C8B: variants seen among roughly 807,000 people sequenced by gnomAD.
The protein encoded by C8B is complement component C8 beta chain.
A neutral mutation model predicts 64.6 loss-of-function variants in C8B; 67 were observed. That is an observed-to-expected ratio of 1.04 (90% confidence interval 0.85 to 1.27). The LOEUF (loss-of-function observed/expected upper bound fraction) is 1.27. C8B is among the 50% of genes most tolerant of loss of function. C8B has a pLI of 0.00. For synonymous variants in C8B, 284 were observed against 257.7 expected (o/e 1.10, Z -0.98); for missense variants, 790 against 725.2 (o/e 1.09, Z -1.03).
chr1:56,941,850 T>C (rs1461635486), intron 8 of C8B, among the ~76,000 whole-genome samples: 1 of 152,222 alleles, frequency 6.6e-6, no homozygotes, highest in Non-Finnish European at 1.5e-5. Flanking sequence ...GGAGCTCACC[T>C]GGTGGAAACT....
At position 56,940,872 on chromosome 1, in the gene C8B, T is replaced by G. The variant is rs750536393; in HGVS notation, c.1375A>C (p.Asn459His). The G allele has an allele frequency of 3.1e-6, 5 of 1,613,972 alleles. No homozygotes were observed. Among genetic ancestry groups the G allele is most frequent in the Middle Eastern group, 3.3e-4 (2 of 6,062 alleles). Residue 459 changes from asparagine to histidine, a missense_variant, in exon 9 of 12, where the codon AAC becomes CAC. Transcript: ENST00000371237. Reference sequence around the variant, plus strand: ...ACCTTAACTTTGATGATGGCTGGGTTGTACTGCACAGCGTCTCCCCACTCC... The same window carrying G: ...ACCTTAACTTTGATGATGGCTGGGTGGTACTGCACAGCGTCTCCCCACTCC... ...MQEWGDAVQY[N>H]PAIIKVKVEP...
At position 56,956,930 on chromosome 1, in the gene C8B, G is replaced by A. The variant is rs114982349; in HGVS notation, c.250-20C>T. 1 of 1,613,686 alleles carries A rather than the reference G, an allele frequency of 6.2e-7. No homozygotes were observed. Among genetic ancestry groups the A allele is most frequent in the Non-Finnish European group, 8.5e-7 (1 of 1,179,914 alleles). On this transcript the variant is annotated intron_variant, in intron 2 of 11. Coordinates refer to ENST00000371237, the MANE Select transcript of C8B (RefSeq NM_000066.4). Reference sequence around the variant, plus strand: ...CCTGTACTGTAGCAGAGAGGAGCCAGGTGAACCAAGGGTAAAGCCTTAGAT... The same window carrying A: ...CCTGTACTGTAGCAGAGAGGAGCCAAGTGAACCAAGGGTAAAGCCTTAGAT...
chr1:56,944,873 A>G (rs1028674044), intron 7 of C8B, among the ~76,000 whole-genome samples: 7 of 152,222 alleles, frequency 4.6e-5, no homozygotes, highest in Admixed American at 6.5e-5. Context: ...TGTGTGACCT[A>G]CAGCCATTCA....
At chr1:56,938,693 A>G (rs1293059395) in intron 9 of C8B, among the ~76,000 whole-genome samples, 2 of 152,194 alleles carry the variant, frequency 1.3e-5, no homozygotes, top group African/African-American at 4.8e-5. Flanking sequence ...CTTCTATAGA[A>G]ATCATGTTTT....
At chr1:56,929,607 G>T in intron 11 of C8B, 49 bp from the exon 12 acceptor site, 1 of 1,586,582 alleles carries the variant, frequency 6.3e-7, no homozygotes, top group Non-Finnish European at 8.7e-7. Flanking sequence ...CTTATATTCT[G>T]GTGCCTTACT....
chr1:56,949,751 G>T lies in C8B; in HGVS notation c.668C>A (p.Thr223Asn). The change falls in exon 6 of 12, where the codon ACC (threonine) becomes AAC (asparagine). Residue 223 changes from threonine to asparagine, a missense_variant and splice_region_variant. Physicochemically the swap from Thr to Asn is moderately conservative, Grantham distance 65 (BLOSUM62 0). Coordinates refer to ENST00000371237, the MANE Select transcript of C8B (RefSeq NM_000066.4). ...TAATATGAATTCGTATTTGCCTTGG[G>T]TCTAAAGAAGAAAAAAGAAAGGGTT... ...PYNVESYTPQTQGKYEFILKE... is the reference protein window; with the variant it reads ...PYNVESYTPQNQGKYEFILKE... 6.2e-7 allele frequency: 1 copy of T among 1,608,402 alleles called. No individual in the cohort carries two copies. The highest frequency in any genetic ancestry group is 2.2e-5 in the East Asian group (1 of 44,764).
In C8B at chr1:56,932,538, G is replaced by A. The variant is rs76648589; in HGVS notation, c.1553-660C>T. 1.2e-3 allele frequency among the ~76,000 whole-genome samples: 190 copies of A among 152,260 alleles called. 1 individual carries two copies. Among genetic ancestry groups the A allele is most frequent in the African/African-American group, 4.1e-3 (172 of 41,562 alleles). On this transcript the variant is annotated intron_variant, in intron 10 of 11. Transcript: ENST00000371237. ...CAGCAACCCTAGATTAAAATCTTGAGTTGATGAGCTGACCCCACTTGCTGC... is the reference window on the plus strand; with the variant it reads ...CAGCAACCCTAGATTAAAATCTTGAATTGATGAGCTGACCCCACTTGCTGC...
chr1:56,954,601 A>G, intron 4 of C8B, 85 bp downstream of exon 4: 1 of 1,541,602 alleles, frequency 6.5e-7, no homozygotes, highest in Non-Finnish European at 9.0e-7. Context: ...ACCTCTGTTT[A>G]TATCAGTTCT....
intron 1 of C8B, among the ~76,000 whole-genome samples, chr1:56,960,587 G>A (rs546270219): frequency 8.5e-5 from 13 of 152,220 alleles, no homozygotes; most frequent in Non-Finnish European, 1.8e-4. Context: ...AGTCAGGAGA[G>A]CCTGGTAGTA....
chr1:56,949,857 C>A (rs1440033447), intron 5 of C8B, 105 bp from the exon 6 acceptor site: 1 of 809,232 alleles, frequency 1.2e-6, no homozygotes, highest in Non-Finnish European at 2.1e-6. Context: ...GGATACTGAA[C>A]TAGATGCTCT....
Position 56,943,686 on chromosome 1 carries a change from T to C in C8B, c.1234+10A>G. ...TATAAGTGTGGAAGTCACAAGCCCC[T>C]GTCACTCACCTTTTATTTCATTCAG... On this transcript the variant is annotated intron_variant, in intron 8 of 11. Coordinates refer to ENST00000371237, the MANE Select transcript of C8B (RefSeq NM_000066.4). 3 of 1,613,968 alleles carry C rather than the reference T, an allele frequency of 1.9e-6. No homozygotes were observed. The highest frequency in any genetic ancestry group is 2.5e-6 in the Non-Finnish European group (3 of 1,179,864).
chr1:56,940,580 G>GAAA (rs1323015423), intron 9 of C8B, among the ~76,000 whole-genome samples: 1 of 151,752 alleles, frequency 6.6e-6, no homozygotes, highest in East Asian at 1.9e-4. Context: ...TAGAAAAGAA[G>GAAA]AAGAAGGAGT....
At chr1:56,952,216 A>T in intron 4 of C8B, 36 bp from the exon 5 acceptor site, 2 of 1,612,680 alleles carry the variant, frequency 1.2e-6, no homozygotes, top group Non-Finnish European at 1.7e-6. Context: ...AAGAGGTTAA[A>T]GTTTGCGGTT....
chr1:56,959,926 C>A, intron 2 of C8B, 94 bp downstream of exon 2: 1 of 1,384,606 alleles, frequency 7.2e-7, no homozygotes, highest in South Asian at 1.2e-5. Context: ...TGAGGGCCAA[C>A]TATGTGCCAG....
At chr1:56,941,103 T>G in intron 8 of C8B, 91 bp from the exon 9 acceptor site, 1 of 1,394,738 alleles carries the variant, frequency 7.2e-7, no homozygotes, top group Non-Finnish European at 1.0e-6. Context: ...GGGTACACCA[T>G]ATTCACTGAA....
At chr1:56,943,044 C>T (rs939769476) in intron 8 of C8B, among the ~76,000 whole-genome samples, 21 of 151,182 alleles carry the variant, frequency 1.4e-4, no homozygotes, top group Middle Eastern at 3.4e-3. Flanking sequence ...TGCAGTGAGC[C>T]GAGATCACGC....
chr1:56,965,398 A>AGAGTGT (rs1553120321), intron 1 of C8B, among the ~76,000 whole-genome samples: 2,944 of 142,572 alleles, frequency 0.021, 113 homozygotes, highest in African/African-American at 0.071. Context: ...AGAGAGAGAG[A>AGAGTGT]GTGTGTGTGT....
intron 10 of C8B, 27 bp downstream of exon 10, chr1:56,933,307 AG>A (rs1217374763): frequency 1.2e-6 from 2 of 1,603,904 alleles, no homozygotes; most frequent in East Asian, 4.5e-5. Flanking sequence ...GGCTTCCACC[AG>A]GGACACCAGC....
chr1:56,961,379 A>G (rs1250277595), intron 1 of C8B, among the ~76,000 whole-genome samples: 1 of 152,128 alleles, frequency 6.6e-6, no homozygotes, highest in Non-Finnish European at 1.5e-5. Context: ...TTCTATTTTC[A>G]CAGCAATGCT....
Sources: allele counts gnomAD v4.1 joint callset (sites outside exome capture counted in the v4.1 genomes callset), GRCh38; gene constraint gnomAD v4.1.1; transcripts MANE v1.5; gene names NCBI Gene and HGNC (gene_info 2026-07-23, HGNC 2026-07-21).